Variants in SCRG1 observed in about 807,000 individuals in gnomAD.
The protein encoded by SCRG1 is stimulator of chondrogenesis 1.
Under a neutral mutation model 7.7 loss-of-function variants are expected in SCRG1, and 3 were observed. That is an observed-to-expected ratio of 0.39 (90% CI 0.18 to 1.01). The LOEUF (loss-of-function observed/expected upper bound fraction) is 1.01. Among genes scored for constraint, SCRG1 ranks in the 50% least tolerant of loss-of-function variants. The probability of loss-of-function intolerance (pLI) is 0.36; values close to 1 mark genes in which losing one functional copy is unlikely to be tolerated. For missense variants in SCRG1, 110 were observed against 117.2 expected, an observed-to-expected ratio of 0.94 and a Z score of 0.28; for synonymous variants, 46 against 41.2, an observed-to-expected ratio of 1.12 and a Z score of -0.44.
the SCRG1 span, among the ~76,000 whole-genome samples, chr4:173,414,391 T>G: frequency 5.3e-5 from 8 of 152,200 alleles, no homozygotes; most frequent in Non-Finnish European, 1.0e-4. Flanking sequence ...GGAAACAAGT[T>G]GCATCTCACA....
At chr4:173,403,440 C>T (rs928285901), upstream of SCRG1, among the ~76,000 whole-genome samples, 2 of 152,148 alleles carry the variant, frequency 1.3e-5, no homozygotes, top group African/African-American at 2.4e-5. Context: ...TCTCTTTTCC[C>T]TGGGCATAGA....
the SCRG1 span, among the ~76,000 whole-genome samples, chr4:173,486,454 T>C: frequency 6.6e-6 from 1 of 152,172 alleles, no homozygotes; most frequent in East Asian, 1.9e-4. Context: ...CTTTTCATCA[T>C]CTAGAATGTT....
chr4:173,483,714 T>TGA, the SCRG1 span, among the ~76,000 whole-genome samples: 2,168 of 8,930 alleles, frequency 0.24, 982 homozygotes, highest in Middle Eastern at 0.33. Context: ...ATATGATATA[T>TGA]TATATTGTGA....
chr4:173,438,447 T>C, the SCRG1 span, among the ~76,000 whole-genome samples: 1 of 152,100 alleles, frequency 6.6e-6, no homozygotes, highest in Non-Finnish European at 1.5e-5. Context: ...TAAGGGAGCC[T>C]GCAGTTTCAA....
the SCRG1 span, among the ~76,000 whole-genome samples, chr4:173,479,136 C>T: frequency 1.3e-5 from 2 of 152,148 alleles, no homozygotes; most frequent in Non-Finnish European, 1.5e-5. Flanking sequence ...CGCTCCAATT[C>T]TGAACTTGGC....
the SCRG1 span, among the ~76,000 whole-genome samples, chr4:173,485,082 A>AATATATT: frequency 3.1e-3 from 27 of 8,796 alleles, 3 homozygotes; most frequent in African/African-American, 7.1e-3. Context: ...TATATTATAT[A>AATATATT]ATATATTATA....
chr4:173,389,392 C>T (rs955740031), intron 2 of SCRG1, among the ~76,000 whole-genome samples: 6 of 151,996 alleles, frequency 3.9e-5, no homozygotes, highest in East Asian at 1.9e-4. Context: ...AAGAATTAGC[C>T]GGGCGAGGTG....
the SCRG1 span, among the ~76,000 whole-genome samples, chr4:173,512,975 T>A: frequency 1.3e-5 from 2 of 152,214 alleles, no homozygotes; most frequent in Non-Finnish European, 2.9e-5. Flanking sequence ...TTGTCTCAAT[T>A]GTTTTGTGAT....
upstream of SCRG1, among the ~76,000 whole-genome samples, chr4:173,410,916 C>T (rs1020009510): frequency 6.6e-6 from 1 of 152,168 alleles, no homozygotes; most frequent in Non-Finnish European, 1.5e-5. Context: ...TTTCCTGGCA[C>T]CCACCCATAT....
chr4:173,484,476 A>ATATATATTATATGCATATAATATATAT, the SCRG1 span, among the ~76,000 whole-genome samples: 2 of 19,372 alleles, frequency 1.0e-4, no homozygotes, highest in Admixed American at 9.3e-4. Flanking sequence ...ATAATATATA[A>ATATATATTATATGCATATAATATATAT]TATATATTAT....
chr4:173,443,506 G>C, the SCRG1 span, among the ~76,000 whole-genome samples: 21 of 152,246 alleles, frequency 1.4e-4, no homozygotes, highest in Admixed American at 1.3e-3. Flanking sequence ...AAACAGACCA[G>C]CATTCTGTAT....
chr4:173,485,759 C>T, the SCRG1 span, among the ~76,000 whole-genome samples: 1 of 151,994 alleles, frequency 6.6e-6, no homozygotes, highest in Non-Finnish European at 1.5e-5. Context: ...CACTTGAGGT[C>T]GTGAGTTTGA....
the SCRG1 span, among the ~76,000 whole-genome samples, chr4:173,484,342 T>TAATATAA: frequency 1.5e-5 from 1 of 65,650 alleles, no homozygotes; most frequent in Non-Finnish European, 2.6e-5. Context: ...ATTTAACATA[T>TAATATAA]TATATAATAT....
chr4:173,489,275 A>C, the SCRG1 span, among the ~76,000 whole-genome samples: 6 of 152,196 alleles, frequency 3.9e-5, no homozygotes, highest in Admixed American at 3.3e-4. Context: ...CTTCCTGGAG[A>C]AAAGAGAAGA....
At chr4:173,453,249 C>T in the SCRG1 span, among the ~76,000 whole-genome samples, 1 of 152,310 alleles carries the variant, frequency 6.6e-6, no homozygotes, top group Non-Finnish European at 1.5e-5. Context: ...TATTTTAAGG[C>T]TATCCCCTGT....
the SCRG1 span, among the ~76,000 whole-genome samples, chr4:173,518,595 C>T: frequency 6.6e-6 from 1 of 152,080 alleles, no homozygotes; most frequent in East Asian, 1.9e-4. Flanking sequence ...CGCAGGCTTC[C>T]CTGGACTTCC....
intron 1 of SCRG1, among the ~76,000 whole-genome samples, chr4:173,393,120 G>A (rs1739502550): frequency 6.6e-6 from 1 of 151,654 alleles, no homozygotes; most frequent in South Asian, 2.1e-4. Context: ...GCAATATTGT[G>A]CAATGGACAT....
chr4:173,503,877 T>G, the SCRG1 span, among the ~76,000 whole-genome samples: 2 of 152,192 alleles, frequency 1.3e-5, no homozygotes, highest in East Asian at 3.9e-4. This position sits in a 1 kb window ranked among gnomAD's most constrained non-coding sequence, Gnocchi z 6.4. Flanking sequence ...AAGTAGAGAC[T>G]TACAATAAAC....
the SCRG1 span, among the ~76,000 whole-genome samples, chr4:173,510,878 C>T: frequency 6.6e-6 from 1 of 152,248 alleles, no homozygotes; most frequent in Non-Finnish European, 1.5e-5. The surrounding 1 kb of genome is among the most constrained non-coding windows in gnomAD (Gnocchi z 5.7). Context: ...ACGATTCCCT[C>T]TCCCTAGTAG....
Sources: allele counts gnomAD v4.1 joint callset (sites outside exome capture counted in the v4.1 genomes callset), GRCh38; gene constraint gnomAD v4.1.1; non-coding constraint Gnocchi (gnomAD v3.1); transcripts MANE v1.5; gene names NCBI Gene and HGNC (gene_info 2026-07-23, HGNC 2026-07-21).